UGT2B7: variants seen among roughly 807,000 people sequenced by gnomAD.
The protein encoded by UGT2B7 is UDP glucuronosyltransferase family 2 member B7, also known as UDP-glucuronosyltransferase 2B7.
UGT2B7 carries 51 observed loss-of-function variants against 51.9 expected under a neutral mutation model. The observed-to-expected ratio is 0.98, with a 90% CI of 0.78 to 1.24. The LOEUF is 1.24. UGT2B7 is among the 50% of genes most tolerant of loss of function. The pLI is 0.00. For synonymous variants in UGT2B7, 225 were observed against 211.6 expected (o/e 1.06, Z -0.55); for missense variants, 727 against 628.4 (o/e 1.16, Z -1.68).
chr4:69,095,592 A>G (rs1338734152), upstream of UGT2B7, among the ~76,000 whole-genome samples: 1 of 152,230 alleles, frequency 6.6e-6, no homozygotes, highest in Non-Finnish European at 1.5e-5. Context: ...TTCTAGGACA[A>G]CAGCCAAATA....
Position 69,102,908 on chromosome 4 carries a change from T to C in UGT2B7, c.972T>C (p.Ile324=). Residue 324 remains isoleucine (I), a synonymous_variant, in exon 3 of 6, where the codon ATT becomes ATC. Transcript: ENST00000305231. ...TGACAGAAGAAAGGGCCAACGTAAT[T>C]GCATCAGCCCTGGCCCAGATCCCAC... The part of the protein sequence containing the change: ...SNMTEERANV[I]ASALAQIPQK... 1.2e-6 allele frequency: 2 copies of C among 1,613,606 alleles called. No homozygotes were observed. The highest frequency in any genetic ancestry group is 1.7e-6 in the Non-Finnish European group (2 of 1,179,680).
At chr4:69,096,347 C>T (rs762365097), upstream of UGT2B7, 3 of 990,106 alleles carry the variant, frequency 3.0e-6, no homozygotes, top group Non-Finnish European at 4.4e-6. Flanking sequence ...GATCATTTAC[C>T]TTCATTTGTC....
chr4:69,108,371 C>A, intron 5 of UGT2B7, 49 bp downstream of exon 5: 1 of 1,595,132 alleles, frequency 6.3e-7, no homozygotes, highest in Non-Finnish European at 8.6e-7. Context: ...GATAGCTTCT[C>A]TTGTCAATAG....
upstream of UGT2B7, among the ~76,000 whole-genome samples, chr4:69,093,097 T>C (rs1719124765): frequency 6.6e-6 from 1 of 152,122 alleles, no homozygotes; most frequent in Non-Finnish European, 1.5e-5. Context: ...CATATCTCTG[T>C]GAGCTCTGTC....
At chr4:69,082,487 G>A (rs546348518) in intron 1 of UGT2B7, among the ~76,000 whole-genome samples, 4 of 151,924 alleles carry the variant, frequency 2.6e-5, no homozygotes, top group African/African-American at 7.2e-5. Context: ...AAGTAAAACC[G>A]CATTATCATT....
intron 2 of UGT2B7, among the ~76,000 whole-genome samples, chr4:69,099,797 T>C (rs1174444296): frequency 6.6e-6 from 1 of 152,068 alleles, no homozygotes; most frequent in Non-Finnish European, 1.5e-5. Flanking sequence ...TCACTTGAGA[T>C]ATCATTCTTC....
chr4:69,110,714 G>A (rs889237759), intron 5 of UGT2B7, among the ~76,000 whole-genome samples: 2 of 152,002 alleles, frequency 1.3e-5, no homozygotes, highest in Non-Finnish European at 2.9e-5. Context: ...CTTAGTTGGT[G>A]GACAAAAGTG....
chr4:69,099,563 G>A (rs1296402605), intron 2 of UGT2B7, among the ~76,000 whole-genome samples: 1 of 151,968 alleles, frequency 6.6e-6, no homozygotes, highest in Non-Finnish European at 1.5e-5. Flanking sequence ...GATTCAGGTA[G>A]CAGATGATGG....
At chr4:69,103,010 T>C (rs1411333014) in intron 3 of UGT2B7, 72 bp downstream of exon 3, 2 of 1,562,244 alleles carry the variant, frequency 1.3e-6, no homozygotes, top group Non-Finnish European at 1.7e-6. Context: ...AATCCAATTA[T>C]AGAAACTTCT....
chr4:69,108,417 T>G (rs1349105075), intron 5 of UGT2B7, 95 bp downstream of exon 5: 1 of 1,372,154 alleles, frequency 7.3e-7, no homozygotes, highest in East Asian at 2.4e-5. Flanking sequence ...AAGAGACTAA[T>G]TTTGAAAGAA....
chr4:69,087,657 GA>G (rs1368181411), intron 1 of UGT2B7, among the ~76,000 whole-genome samples: 2 of 151,886 alleles, frequency 1.3e-5, no homozygotes, highest in Admixed American at 1.3e-4. Flanking sequence ...TTTTGTTTCG[GA>G]AAATGTTATC....
At chr4:69,091,823 A>G (rs1437280441), upstream of UGT2B7, among the ~76,000 whole-genome samples, 1 of 152,250 alleles carries the variant, frequency 6.6e-6, no homozygotes, top group Non-Finnish European at 1.5e-5. Context: ...TACTTACTAC[A>G]GGCTTTTCTC....
rs1719466878 is a variant in UGT2B7, at chr4:69,102,877, GT to G, written c.942del (p.Ser314ArgfsTer3). 6.2e-7 allele frequency: 1 copy of G among 1,613,560 alleles called. No homozygotes were observed. Among genetic ancestry groups the G allele is most frequent in the African/African-American group, 1.3e-5 (1 of 74,862 alleles). ...GTGTTTTCTCTGGGGTCAATGGTCA[GT>G]AACATGACAGAAGAAAGGGCCAACG... The part of the protein sequence containing the change: ...VVVFSLGSMV[S>X]NMTEERANVI... On this transcript the variant is annotated frameshift_variant, in exon 3 of 6. Transcript: ENST00000305231. LOFTEE classifies it high-confidence loss of function.
At chr4:69,072,143 G>A (rs7660021) in intron 1 of UGT2B7, among the ~76,000 whole-genome samples, 8 of 151,756 alleles carry the variant, frequency 5.3e-5, no homozygotes, top group Admixed American at 5.3e-4. Context: ...AGGTTTACTT[G>A]ATAGAGACTC....
At chr4:69,084,178 A>G (rs1718898537) in intron 1 of UGT2B7, among the ~76,000 whole-genome samples, 1 of 152,068 alleles carries the variant, frequency 6.6e-6, no homozygotes, top group South Asian at 2.1e-4. Flanking sequence ...TATCACATTT[A>G]TTGTTTTGCA....
At position 69,107,215 on chromosome 4, in the gene UGT2B7, G is replaced by T. The variant is rs764370050; in HGVS notation, c.1043G>T (p.Gly348Val). ...GATGGGAATAAACCAGATACCTTAG[G>T]TCTCAATACTCGGCTCTACAAGTGG... ...RFDGNKPDTL[G>V]LNTRLYKWIP... The change falls in exon 4 of 6, where the codon GGT (glycine) becomes GTT (valine). Residue 348 changes from glycine (G) to valine (V), a missense_variant. Gly to Val is a moderately radical substitution (Grantham distance 109, BLOSUM62 -3). Transcript: ENST00000305231. 6 of 1,609,548 alleles carry T rather than the reference G, an allele frequency of 3.7e-6. No individual in the cohort carries two copies. The highest frequency in any genetic ancestry group is 4.2e-6 in the Non-Finnish European group (5 of 1,177,366).
Position 69,096,792 on chromosome 4 carries a change from T to G in UGT2B7, c.272T>G (p.Met91Arg). ...AAAACTGAGTTGGAGAATTTCATCA[T>G]GCAACAGATTAAGAGATGGTCAGAC... ...LTKTELENFI[M>R]QQIKRWSDLP... The change falls in exon 1 of 6, where the codon ATG becomes AGG. Residue 91 changes from methionine to arginine, a missense_variant. Transcript: ENST00000305231. The G allele has an allele frequency of 6.2e-7, 1 of 1,614,030 alleles. No homozygotes were observed. The highest frequency in any genetic ancestry group is 8.5e-7 in the Non-Finnish European group (1 of 1,179,918).
At chr4:69,094,384 G>A (rs1171632052), upstream of UGT2B7, among the ~76,000 whole-genome samples, 7 of 29,486 alleles carry the variant, frequency 2.4e-4, 1 homozygote, top group African/African-American at 5.7e-4. Flanking sequence ...TCCTGACCTC[G>A]TGATCCGCCC....
chr4:69,055,098 T>TAAAAAAAAAAAAAAA (rs1178892377), intron 1 of UGT2B7, among the ~76,000 whole-genome samples: 1 of 22,562 alleles, frequency 4.4e-5, no homozygotes, highest in African/African-American at 2.0e-4. Context: ...AAGTAATAGC[T>TAAAAAAAAAAAAAAA]AAAAAAAAAA....
Sources: allele counts gnomAD v4.1 joint callset (sites outside exome capture counted in the v4.1 genomes callset), GRCh38; gene constraint gnomAD v4.1.1; transcripts MANE v1.5; gene names NCBI Gene and HGNC (gene_info 2026-07-23, HGNC 2026-07-21).